The following ZDHHC14 variants were observed in gnomAD, a reference collection of about 807,000 sequenced individuals.
ZDHHC14 encodes palmitoyltransferase ZDHHC14.
ZDHHC14 carries 16 observed loss-of-function variants against 47.7 expected under a neutral mutation model. That is an observed-to-expected ratio of 0.34 (90% CI 0.23 to 0.51). The LOEUF is 0.51. ZDHHC14 is among the 20% of genes least tolerant of loss of function. ZDHHC14 has a pLI of 0.97. For missense variants in ZDHHC14, 515 were observed against 662.5 expected (o/e 0.78, Z 2.44); for synonymous variants, 293 against 278.9 (o/e 1.05, Z -0.50).
chr6:157,652,332 T>C (rs1257106074), intron 7 of ZDHHC14, among the ~76,000 whole-genome samples: 2 of 152,162 alleles, frequency 1.3e-5, no homozygotes, highest in African/African-American at 2.4e-5. Context: ...GCAGCCCAGG[T>C]AGACAGTCCT....
intron 1 of ZDHHC14, among the ~76,000 whole-genome samples, chr6:157,382,605 A>C (rs889696790): frequency 2.0e-5 from 3 of 152,168 alleles, no homozygotes; most frequent in Non-Finnish European, 2.9e-5. Context: ...GGACCCAGCA[A>C]ATCAGCCCAG....
At chr6:157,508,620 C>G (rs149256227) in intron 1 of ZDHHC14, among the ~76,000 whole-genome samples, 1,695 of 152,280 alleles carry the variant, frequency 0.011, 37 homozygotes, top group African/African-American at 0.038. Context: ...CAATCAGATG[C>G]TCCTACCTCA....
intron 1 of ZDHHC14, among the ~76,000 whole-genome samples, chr6:157,419,228 A>G (rs184179135): frequency 1.3e-5 from 2 of 152,266 alleles, no homozygotes; most frequent in Admixed American, 6.5e-5. Context: ...ATCAACCTAT[A>G]TTGATTCATG....
rs150743157 is a variant in ZDHHC14 at position 157,678,137 on chromosome 6, G to A, written c.*5015G>A. On this transcript the variant is annotated 3_prime_UTR_variant, in exon 9 of 9. Transcript: ENST00000359775. ...AAATTTTTCTCCTTCAATAAAAACT[G>A]CTAATGGCATAAAATGTAAATTTCA... The A allele has an allele frequency of 3.3e-4, 51 of 152,296 alleles. No homozygotes were observed. The highest frequency in any genetic ancestry group is 1.2e-3 in the African/African-American group (48 of 41,568). The allele number at this position is 152,296 out of a possible 1,614,324, so 9.4% of individuals were successfully genotyped here.
At chr6:157,570,481 C>T (rs146452889) in intron 2 of ZDHHC14, among the ~76,000 whole-genome samples, 3 of 152,246 alleles carry the variant, frequency 2.0e-5, no homozygotes, top group East Asian at 1.9e-4. Context: ...CGCAGCACAG[C>T]GGTTTTGTGT....
chr6:157,476,649 A>C (rs1200968404), intron 1 of ZDHHC14, among the ~76,000 whole-genome samples: 1 of 152,216 alleles, frequency 6.6e-6, no homozygotes, highest in African/African-American at 2.4e-5. Context: ...AGATGCAAAA[A>C]TTATCAACAA....
At chr6:157,560,057 G>A (rs1253365609) in intron 2 of ZDHHC14, among the ~76,000 whole-genome samples, 1 of 152,228 alleles carries the variant, frequency 6.6e-6, no homozygotes, top group East Asian at 1.9e-4. Context: ...ATACGTCTAT[G>A]ATGAATTACA....
At chr6:157,405,627 T>C (rs1477811673) in intron 1 of ZDHHC14, among the ~76,000 whole-genome samples, 1 of 152,154 alleles carries the variant, frequency 6.6e-6, no homozygotes, top group East Asian at 1.9e-4. Flanking sequence ...TTAATAATAA[T>C]GGTAATGATG....
At chr6:157,469,743 G>A (rs563895111) in intron 1 of ZDHHC14, among the ~76,000 whole-genome samples, 5 of 152,162 alleles carry the variant, frequency 3.3e-5, no homozygotes, top group Non-Finnish European at 7.4e-5. Context: ...TCACCTTACC[G>A]CCATTCACAG....
intron 2 of ZDHHC14, among the ~76,000 whole-genome samples, chr6:157,562,443 C>T (rs1015329811): frequency 1.3e-5 from 2 of 152,184 alleles, no homozygotes; most frequent in African/African-American, 4.8e-5. Context: ...CCTGGCTGGC[C>T]CCTCATTTTC....
chr6:157,554,837 C>G (rs537604359), intron 2 of ZDHHC14, among the ~76,000 whole-genome samples: 1 of 152,202 alleles, frequency 6.6e-6, no homozygotes, highest in Admixed American at 6.5e-5. Flanking sequence ...CACAGGAATG[C>G]CTATGACTCT....
intron 2 of ZDHHC14, among the ~76,000 whole-genome samples, chr6:157,563,694 C>CTAGGACT (rs1782799242): frequency 6.6e-6 from 1 of 152,230 alleles, no homozygotes; most frequent in Admixed American, 6.5e-5. Context: ...TAAGTGCGAA[C>CTAGGACT]TAGGACCAGA....
chr6:157,496,455 C>A (rs1780068024), intron 1 of ZDHHC14, among the ~76,000 whole-genome samples: 1 of 152,110 alleles, frequency 6.6e-6, no homozygotes, highest in African/African-American at 2.4e-5. Flanking sequence ...CAGAATGTGA[C>A]CTTATTTGGG....
chr6:157,573,544 G>T (rs1022545848), intron 2 of ZDHHC14, among the ~76,000 whole-genome samples: 1 of 152,126 alleles, frequency 6.6e-6, no homozygotes, highest in Admixed American at 6.5e-5. Flanking sequence ...CCTGTCATGT[G>T]GGGTAGGCCC....
At chr6:157,466,053 A>T (rs1445116213) in intron 1 of ZDHHC14, among the ~76,000 whole-genome samples, 1 of 152,026 alleles carries the variant, frequency 6.6e-6, no homozygotes, top group African/African-American at 2.4e-5. Context: ...AAGAAAAAAA[A>T]AAGAGAGAGA....
Position 157,381,947 on chromosome 6 carries a change from C to T in ZDHHC14, c.-75C>T. ...CGGGGGGCGGCCGGGCGGCCGGCGG[C>T]GGTCGTGGCTCGGCGGGGCCCGCGC... On this transcript the variant is annotated 5_prime_UTR_variant, in exon 1 of 9. Transcript: ENST00000359775. 10 of 980,288 alleles carry T rather than the reference C, an allele frequency of 1.0e-5. No homozygotes were observed. Among genetic ancestry groups the T allele is most frequent in the Non-Finnish European group, 1.2e-5 (10 of 829,558 alleles). 60.7% of individuals were successfully genotyped at this position (980,288 alleles called of 1,614,324 possible). A position where few individuals can be genotyped will look rare whatever the true frequency, so the allele number is the denominator to read the frequency against.
chr6:157,471,918 C>G (rs1404903918), intron 1 of ZDHHC14, among the ~76,000 whole-genome samples: 1 of 152,182 alleles, frequency 6.6e-6, no homozygotes, highest in Non-Finnish European at 1.5e-5. Context: ...CAGGACAGTG[C>G]CTGGCACCGG....
chr6:157,452,083 C>T (rs927065259), intron 1 of ZDHHC14, among the ~76,000 whole-genome samples: 17 of 152,118 alleles, frequency 1.1e-4, no homozygotes, highest in African/African-American at 4.1e-4. Context: ...GTATTGATAA[C>T]CTGGTCAGTG....
At chr6:157,471,353 CA>C (rs1202798159) in intron 1 of ZDHHC14, among the ~76,000 whole-genome samples, 1 of 152,214 alleles carries the variant, frequency 6.6e-6, no homozygotes, top group Non-Finnish European at 1.5e-5. Context: ...GGCAGGCCTG[CA>C]GCGTTCACAT....
Sources: gnomAD v4.1 joint callset for allele counts (sites outside exome capture counted in the v4.1 genomes callset) on GRCh38, gnomAD v4.1.1 for gene constraint, MANE v1.5 for transcripts, NCBI Gene and HGNC (gene_info 2026-07-23, HGNC 2026-07-21) for gene names.